Variants in ITGA6 observed in about 807,000 individuals in gnomAD.
The protein encoded by ITGA6 is integrin subunit alpha 6.
A neutral mutation model predicts 133.6 loss-of-function variants in ITGA6; 63 were observed. That is an observed-to-expected ratio of 0.47 (90% CI 0.38 to 0.58). The LOEUF (loss-of-function observed/expected upper bound fraction) is 0.58. Ranked by LOEUF, ITGA6 falls within the 20% of genes least tolerant of loss-of-function variation. ITGA6 has a pLI of 0.00. For missense variants in ITGA6, 1,068 were observed against 1,309.4 expected (o/e 0.82, Z 2.85); for synonymous variants, 434 against 482.0 (o/e 0.90, Z 1.30).
At chr2:172,490,690 T>G (rs2149080804) in intron 20 of ITGA6, 1 of 323,180 alleles carries the variant, frequency 3.1e-6, no homozygotes, top group East Asian at 8.3e-5. Flanking sequence ...AGCTGGAGGC[T>G]AGGGATACAG....
intron 23 of ITGA6, among the ~76,000 whole-genome samples, chr2:172,496,904 C>A (rs1205826119): frequency 1.3e-5 from 2 of 152,148 alleles, no homozygotes; most frequent in African/African-American, 2.4e-5. Context: ...TGCAAACTAT[C>A]CTATGTTTAG....
chr2:172,437,501 GTTGTATTATGGT>G (rs1245758071), intron 1 of ITGA6, among the ~76,000 whole-genome samples: 3 of 152,218 alleles, frequency 2.0e-5, no homozygotes, highest in East Asian at 1.9e-4. Flanking sequence ...GAAGGATGGA[GTTGTATTATGGT>G]TTGGGGAGAG....
At chr2:172,481,511 G>A (rs1686438527) in intron 11 of ITGA6, among the ~76,000 whole-genome samples, 2 of 152,218 alleles carry the variant, frequency 1.3e-5, no homozygotes, top group African/African-American at 4.8e-5. Context: ...AAAAGGGACA[G>A]TTTAAATAAA....
intron 1 of ITGA6, among the ~76,000 whole-genome samples, chr2:172,439,851 C>T (rs142589499): frequency 0.015 from 2,334 of 152,256 alleles, 32 homozygotes; most frequent in South Asian, 0.064. Context: ...ACACATCTTC[C>T]GTTTGGTGAA....
At chr2:172,472,835 G>T (rs1218067642) in intron 5 of ITGA6, 1 of 1,612,558 alleles carries the variant, frequency 6.2e-7, no homozygotes, top group Admixed American at 1.7e-5. Flanking sequence ...ATAAAACACG[G>T]CCTCCCCGGG....
At position 172,491,081 on chromosome 2, in the gene ITGA6, A is replaced by G. The variant is rs770287742; in HGVS notation, c.2737A>G (p.Arg913Gly). The G allele has an allele frequency of 3.3e-5, 52 of 1,594,604 alleles. No homozygotes were observed. The Admixed American group carries it at 8.5e-4, about 26-fold the overall frequency. The change falls in exon 21 of 26, where the codon AGA (arginine) becomes GGA (glycine). Residue 913 changes from arginine (R) to glycine (G), a missense_variant. This residue lies in a region of ITGA6 where 609 missense variants were observed against 707.2 expected (regional missense o/e 0.86). Transcript: ENST00000684293. The surrounding 1 kb of genome is among the most constrained non-coding windows in gnomAD (Gnocchi z 4.4). ...EITEKQIDDNRKFSLFAERKY... is the reference protein window; with the variant it reads ...EITEKQIDDNGKFSLFAERKY... ...TACTGAAAAACAGATAGATGATAACAGAAAATTTTCTTTATTTGCTGAAAG... is the reference window on the plus strand; with the variant it reads ...TACTGAAAAACAGATAGATGATAACGGAAAATTTTCTTTATTTGCTGAAAG...
In ITGA6 at chr2:172,471,123, T is replaced by C. The variant is rs749441202; in HGVS notation, c.775+18T>C. 6.2e-7 allele frequency: 1 copy of C among 1,614,138 alleles called. No individual in the cohort carries two copies. The highest frequency in any genetic ancestry group is 1.1e-5 in the South Asian group (1 of 91,082). Reference sequence around the variant, plus strand: ...TTACTTAGGTAGGAGCAGGCACAGATGGCTGCCTTTGCCCACCTTCTCAGA... The same window carrying C: ...TTACTTAGGTAGGAGCAGGCACAGACGGCTGCCTTTGCCCACCTTCTCAGA... On this transcript the variant is annotated intron_variant, in intron 5 of 25. Coordinates refer to ENST00000684293, the MANE Select transcript of ITGA6 (RefSeq NM_000210.4).
chr2:172,490,964 T>G, intron 20 of ITGA6, 60 bp from the exon 21 acceptor site: 1 of 884,022 alleles, frequency 1.1e-6, no homozygotes. Flanking sequence ...TCAAGAGGCT[T>G]GTATGGTAAT....
chr2:172,434,395 TC>T (rs1321123850), intron 1 of ITGA6, among the ~76,000 whole-genome samples: 1 of 152,168 alleles, frequency 6.6e-6, no homozygotes, highest in Admixed American at 6.5e-5. Flanking sequence ...ATCTGGCTTT[TC>T]TGCTTAGATA....
At chr2:172,460,805 G>T (rs1305068279) in intron 1 of ITGA6, among the ~76,000 whole-genome samples, 1 of 152,150 alleles carries the variant, frequency 6.6e-6, no homozygotes, top group East Asian at 1.9e-4. Flanking sequence ...AACTAAGCAG[G>T]CTGTGTTTTA....
At position 172,467,553 on chromosome 2, in the gene ITGA6, A is replaced by C; in HGVS notation, c.380A>C (p.Lys127Thr). Residue 127 changes from lysine (K) to threonine (T), a missense_variant, in exon 3 of 26, where the codon AAG becomes ACG. Transcript: ENST00000684293. ...GTCCAGAGCCAAGGTCCAGGGGGCA[A>C]GGTCGTGGTAAGTGTAGAGACACAT... ...VTVQSQGPGGKVVTCAHRYEK... is the reference protein window; with the variant it reads ...VTVQSQGPGGTVVTCAHRYEK... 1 of 1,612,838 alleles carries C rather than the reference A, an allele frequency of 6.2e-7. No homozygotes were observed. Among genetic ancestry groups the C allele is most frequent in the East Asian group, 2.2e-5 (1 of 44,856 alleles).
intron 17 of ITGA6, 27 bp downstream of exon 17, chr2:172,487,834 CA>C (rs762899203): frequency 2.5e-5 from 39 of 1,542,556 alleles, no homozygotes; most frequent in Non-Finnish European, 3.3e-5. Flanking sequence ...CCTCTCCATT[CA>C]GAATTATTTC....
Position 172,427,949 on chromosome 2 carries a change from TGCA to T in ITGA6, c.164_166del (p.Gln55del). The T allele has an allele frequency of 1.9e-6, 3 of 1,605,782 alleles. No homozygotes were observed. The South Asian group carries it at 3.3e-5, about 18-fold the overall frequency. The stretch of plus-strand genomic sequence containing the variant: ...TTCTCGCTGGCCATGCACTGGCAAC[TGCA>T]GCCCGAGGACAAGCGGCTGTGAGTT... On this transcript the variant is annotated inframe_deletion, in exon 1 of 26. Coordinates refer to ENST00000684293, the MANE Select transcript of ITGA6 (RefSeq NM_000210.4).
chr2:172,442,174 G>T (rs553215430), intron 1 of ITGA6, among the ~76,000 whole-genome samples: 1 of 152,094 alleles, frequency 6.6e-6, no homozygotes, highest in Non-Finnish European at 1.5e-5. Context: ...CCTGGTTACC[G>T]CCACACCCCT....
intron 24 of ITGA6, among the ~76,000 whole-genome samples, 153 bp downstream of exon 24, chr2:172,498,253 T>G (rs1326439664): frequency 6.6e-6 from 1 of 152,274 alleles, no homozygotes; most frequent in African/African-American, 2.4e-5. Context: ...AGGAAAATTT[T>G]ACCATGAACA....
intron 1 of ITGA6, among the ~76,000 whole-genome samples, chr2:172,430,220 T>C (rs1380773035): frequency 1.3e-5 from 2 of 152,252 alleles, no homozygotes; most frequent in Non-Finnish European, 2.9e-5. Context: ...GCTTAATGCC[T>C]GTCTGGCATG....
rs369279630 is a variant in ITGA6 at position 172,471,059 on chromosome 2, T to C, written c.729T>C (p.Thr243=). The change falls in exon 5 of 26, where the codon ACT becomes ACC. Residue 243 remains threonine (T), a synonymous_variant. Transcript: ENST00000684293. ...GGCCTTATGAAGTTGGTGGAGAGAC[T>C]GAGCATGATGAAAGTCTCGTTCCTG... ...EDGPYEVGGE[T]EHDESLVPVP... 83 of 1,614,126 alleles carry C rather than the reference T, an allele frequency of 5.1e-5. No individual in the cohort carries two copies. The Admixed American group carries it at 1.3e-3, about 25-fold the overall frequency.
chr2:172,481,444 A>G (rs1045874018), intron 11 of ITGA6, among the ~76,000 whole-genome samples: 6 of 152,230 alleles, frequency 3.9e-5, no homozygotes, highest in African/African-American at 1.4e-4. Context: ...TAATGAATGT[A>G]TCCACTAAGA....
At position 172,474,036 on chromosome 2, in the gene ITGA6, A is replaced by G; in HGVS notation, c.776-19A>G. The G allele has an allele frequency of 2.6e-6, 4 of 1,550,382 alleles. No individual in the cohort carries two copies. The highest frequency in any genetic ancestry group is 3.6e-6 in the Non-Finnish European group (4 of 1,124,088). On this transcript the variant is annotated intron_variant, in intron 5 of 25. Coordinates refer to ENST00000684293, the MANE Select transcript of ITGA6 (RefSeq NM_000210.4). ...TATATGGATTGATGTGAGGGGCTCT[A>G]TATATTTTGTTTTTCTAGGTTTTTC...
Sources: gnomAD v4.1 joint callset for allele counts (sites outside exome capture counted in the v4.1 genomes callset) on GRCh38, gnomAD v4.1.1 for gene constraint, gnomAD v4.1.1 regional missense constraint, Gnocchi (gnomAD v3.1) non-coding constraint, MANE v1.5 for transcripts, NCBI Gene and HGNC (gene_info 2026-07-23, HGNC 2026-07-21) for gene names.